Variants in FER1L5 observed in about 807,000 individuals in gnomAD.
FER1L5 encodes the protein fer-1-like protein 5.
A neutral mutation model predicts 279.9 loss-of-function variants in FER1L5; 187 were observed. The ratio of observed to expected loss-of-function variants is 0.67; its 90% confidence interval spans 0.59 to 0.75. FER1L5 has a LOEUF of 0.75. Ranked by LOEUF, FER1L5 falls within the 30% of genes least tolerant of loss-of-function variation. The pLI, the probability that FER1L5 is intolerant of heterozygous loss-of-function variation, is 0.00. For synonymous variants in FER1L5, 921 were observed against 989.7 expected (o/e 0.93, Z 1.30); for missense variants, 2,091 against 2,594.4 (o/e 0.81, Z 4.21).
chr2:96,676,801 C>T (rs1024426668), intron 19 of FER1L5, among the ~76,000 whole-genome samples: 1 of 152,062 alleles, frequency 6.6e-6, no homozygotes, highest in Admixed American at 6.5e-5. Context: ...ATGTAATATA[C>T]CATGCAATTA....
At chr2:96,664,253 A>C (rs1217881713) in intron 14 of FER1L5, among the ~76,000 whole-genome samples, 1 of 152,174 alleles carries the variant, frequency 6.6e-6, no homozygotes. Context: ...GTACACATCC[A>C]GGAAACCCAT....
intron 3 of FER1L5, 72 bp from the exon 4 acceptor site, chr2:96,647,706 G>A: frequency 8.7e-7 from 1 of 1,144,368 alleles, no homozygotes; most frequent in Non-Finnish European, 1.3e-6. Context: ...TCTAGCTAAA[G>A]CCCTGCCCGG....
At chr2:96,672,398 T>C (rs989910622) in intron 18 of FER1L5, among the ~76,000 whole-genome samples, 2 of 151,882 alleles carry the variant, frequency 1.3e-5, no homozygotes, top group Non-Finnish European at 2.9e-5. Context: ...TTTTTTAACG[T>C]GAAAGGAAAT....
chr2:96,685,021 G>A lies in FER1L5; in HGVS notation c.1795-308G>A, dbSNP rs367771005. ...CCTGTTGGGAGTGTAGTTCTCGGGAGCCACCTGGGGCTGGCACCTCTGGCA... is the reference window on the plus strand; with the variant it reads ...CCTGTTGGGAGTGTAGTTCTCGGGAACCACCTGGGGCTGGCACCTCTGGCA... On this transcript the variant is annotated intron_variant, in intron 20 of 52. Coordinates refer to ENST00000624922, the MANE Select transcript of FER1L5 (RefSeq NM_001293083.2). 1.8e-4 allele frequency among the ~76,000 whole-genome samples: 25 copies of A among 139,990 alleles called. 2 individuals carry two copies. The highest frequency in any genetic ancestry group is 7.0e-4 in the Admixed American group (10 of 14,246). 91.8% of individuals were successfully genotyped at this position (139,990 alleles called of 152,430 possible).
At chr2:96,655,070 G>A (rs985019972) in intron 9 of FER1L5, among the ~76,000 whole-genome samples, 1 of 152,154 alleles carries the variant, frequency 6.6e-6, no homozygotes, top group Admixed American at 6.5e-5. Context: ...TAACGTTTAT[G>A]AAAGCTCAGG....
At chr2:96,696,151 T>C (rs2077370710) in intron 37 of FER1L5, 74 bp downstream of exon 37, 2 of 1,591,668 alleles carry the variant, frequency 1.3e-6, no homozygotes, top group South Asian at 2.3e-5. Context: ...AGGAGGGGTG[T>C]CCATTAAACA....
chr2:96,660,368 C>T lies in FER1L5; in HGVS notation c.775C>T (p.Pro259Ser). Reference protein sequence around the residue: ...QTDIGFIYHSPGHTLLRKWLG... With the variant: ...QTDIGFIYHSSGHTLLRKWLG... ...AGATATTGGGTTTATCTACCATTCT[C>T]CAGGTAGGTAATACTTATGGCAAAT... The change falls in exon 10 of 53, where the codon CCA (proline) becomes TCA (serine). Residue 259 changes from proline (P) to serine (S), a missense_variant. By Grantham distance (74) the Pro-to-Ser change is moderately conservative. Transcript: ENST00000624922. 4.5e-6 allele frequency: 7 copies of T among 1,551,586 alleles called. No individual in the cohort carries two copies. The highest frequency in any genetic ancestry group is 6.1e-6 in the Non-Finnish European group (7 of 1,146,926).
rs1304183119 is a variant in FER1L5, at chr2:96,704,879, T to C, written c.*187T>C. ...TTTCCACTGAAATAAACAAGTTCTA[T>C]AACAGAGAGCCATCTTGTAATTTGG... On this transcript the variant is annotated 3_prime_UTR_variant, in exon 53 of 53. Transcript: ENST00000624922. The C allele has an allele frequency of 1.5e-5, 9 of 602,970 alleles. No homozygotes were observed. The highest frequency in any genetic ancestry group is 2.6e-5 in the Non-Finnish European group (9 of 343,818). The allele number at this position is 602,970 out of a possible 1,614,324, so 37.4% of individuals were successfully genotyped here.
In FER1L5 at chr2:96,681,408, G is replaced by A. The variant is rs998469872; in HGVS notation, c.1670-2919G>A. Among the ~76,000 whole-genome samples the A allele has an allele frequency of 2.0e-5, 3 of 152,262 alleles. No homozygotes were observed. In the South Asian group the frequency reaches 6.2e-4, roughly 32 times the overall value. Reference sequence around the variant, plus strand: ...AATAAAAATAAAGTGGTCCCTGCTTGGCAGTGTCCCAGGTAACTGGAAGAA... The same window carrying A: ...AATAAAAATAAAGTGGTCCCTGCTTAGCAGTGTCCCAGGTAACTGGAAGAA... On this transcript the variant is annotated intron_variant, in intron 19 of 52. Transcript: ENST00000624922.
intron 9 of FER1L5, among the ~76,000 whole-genome samples, chr2:96,659,307 T>TTCCC (rs2075745106): frequency 2.3e-5 from 1 of 43,032 alleles, no homozygotes. Flanking sequence ...CCTTCCTTCC[T>TTCCC]TCCTTCCTTC....
At chr2:96,648,621 AT>A (rs1465264298) in intron 4 of FER1L5, among the ~76,000 whole-genome samples, 1 of 152,166 alleles carries the variant, frequency 6.6e-6, no homozygotes, top group East Asian at 1.9e-4. Context: ...GCTGATTGTT[AT>A]TGTTTGGCTT....
intron 19 of FER1L5, among the ~76,000 whole-genome samples, chr2:96,683,003 C>T (rs1199925459): frequency 2.0e-5 from 3 of 152,230 alleles, no homozygotes; most frequent in African/African-American, 7.2e-5. Context: ...TGAGGCCCCA[C>T]TTGCTACAAC....
chr2:96,645,825 AAG>A (rs2075097422), intron 1 of FER1L5, among the ~76,000 whole-genome samples: 2 of 152,066 alleles, frequency 1.3e-5, no homozygotes, highest in Admixed American at 1.3e-4. Context: ...AAAAAATAAA[AAG>A]AGAAACAAAG....
At chr2:96,697,397 TAAAAG>T in intron 37 of FER1L5, 124 bp from the exon 38 acceptor site, 1 of 956,798 alleles carries the variant, frequency 1.0e-6, no homozygotes. Context: ...ACCCCTGAAT[TAAAAG>T]GTCTATGTGA....
Position 96,694,415 on chromosome 2 carries a change from A to G in FER1L5, c.3692A>G (p.Tyr1231Cys). ...AGCGTTCCCTGGAAGAATGGGGCAT[A>G]CACACTCCCCAAGAGCATCCAGCCC... ...ILSVPWKNGAYTLPKSIQPTI... is the reference protein window; with the variant it reads ...ILSVPWKNGACTLPKSIQPTI... The change falls in exon 34 of 53, where the codon TAC becomes TGC. Residue 1231 changes from tyrosine to cysteine, a missense_variant. Transcript: ENST00000624922. The surrounding 1 kb of genome is among the most constrained non-coding windows in gnomAD (Gnocchi z 4.6). The G allele has an allele frequency of 1.3e-6, 2 of 1,550,802 alleles. No homozygotes were observed. Among genetic ancestry groups the G allele is most frequent in the Non-Finnish European group, 1.7e-6 (2 of 1,146,574 alleles).
At chr2:96,660,855 A>G (rs182871605) in intron 10 of FER1L5, among the ~76,000 whole-genome samples, 1 of 152,348 alleles carries the variant, frequency 6.6e-6, no homozygotes, top group Admixed American at 6.5e-5. Context: ...CACCTGGCCT[A>G]TTTTAATTTA....
chr2:96,646,987 A>G (rs1266705348), intron 2 of FER1L5, 77 bp from the exon 3 acceptor site: 3 of 1,433,242 alleles, frequency 2.1e-6, no homozygotes, highest in East Asian at 5.0e-5. Context: ...CCCGTTCCCC[A>G]CGTCTTTCCT....
At chr2:96,651,107 T>A (rs2075342744) in intron 6 of FER1L5, among the ~76,000 whole-genome samples, 1 of 152,176 alleles carries the variant, frequency 6.6e-6, no homozygotes, top group South Asian at 2.1e-4. Flanking sequence ...AAGATCCAGT[T>A]CCTTTTGCAA....
intron 7 of FER1L5, 91 bp from the exon 8 acceptor site, chr2:96,653,549 A>G: frequency 2.0e-6 from 2 of 977,570 alleles, no homozygotes; most frequent in South Asian, 2.8e-5. Flanking sequence ...TGTGGAAAGA[A>G]GCACATTATT....
Sources: allele counts gnomAD v4.1 joint callset (sites outside exome capture counted in the v4.1 genomes callset), GRCh38; gene constraint gnomAD v4.1.1; non-coding constraint Gnocchi (gnomAD v3.1); transcripts MANE v1.5; gene names NCBI Gene and HGNC (gene_info 2026-07-23, HGNC 2026-07-21).